Variants in SLC9B2 observed in about 807,000 individuals in gnomAD.
SLC9B2 encodes the protein sodium/hydrogen exchanger 9B2.
Under a neutral mutation model 52.2 loss-of-function variants are expected in SLC9B2, and 39 were observed. The observed-to-expected ratio is 0.75, with a 90% CI of 0.58 to 0.98. The LOEUF (loss-of-function observed/expected upper bound fraction) is 0.98, where lower values mean the gene tolerates loss of function less well. Ranked by LOEUF, SLC9B2 falls within the 50% of genes least tolerant of loss-of-function variation. SLC9B2 has a pLI of 0.00. For missense variants in SLC9B2, 626 were observed against 637.5 expected (o/e 0.98, Z 0.19); for synonymous variants, 214 against 227.0 (o/e 0.94, Z 0.51).
intron 9 of SLC9B2, among the ~76,000 whole-genome samples, chr4:103,041,672 A>G (rs1743655364): frequency 6.6e-6 from 1 of 152,164 alleles, no homozygotes; most frequent in Non-Finnish European, 1.5e-5. Context: ...TTTAAACTGC[A>G]AAAGTTTAGA....
chr4:103,056,158 C>T (rs547160898), intron 4 of SLC9B2, among the ~76,000 whole-genome samples: 3 of 152,136 alleles, frequency 2.0e-5, no homozygotes, highest in South Asian at 2.1e-4. Flanking sequence ...AGTTTTAAGA[C>T]TAATTTGTGT....
chr4:103,068,733 T>G (rs2110665386), intron 1 of SLC9B2, among the ~76,000 whole-genome samples: 1 of 152,284 alleles, frequency 6.6e-6, no homozygotes, highest in East Asian at 1.9e-4. Context: ...TTGATAGAGG[T>G]ACACACTACA....
At chr4:103,075,813 G>C (rs1747076103) in intron 1 of SLC9B2, among the ~76,000 whole-genome samples, 1 of 152,162 alleles carries the variant, frequency 6.6e-6, no homozygotes, top group Non-Finnish European at 1.5e-5. Context: ...GAATGGACTT[G>C]ACATGAACGA....
intron 3 of SLC9B2, among the ~76,000 whole-genome samples, chr4:103,064,749 A>C (rs1341422267): frequency 6.6e-6 from 1 of 152,196 alleles, no homozygotes; most frequent in African/African-American, 2.4e-5. Context: ...ATTGTACCCC[A>C]CAAATATGTA....
At chr4:103,018,910 A>C (rs562654887), downstream of SLC9B2, among the ~76,000 whole-genome samples, 1 of 152,318 alleles carries the variant, frequency 6.6e-6, no homozygotes, top group South Asian at 2.1e-4. Flanking sequence ...GAGCAAAGGC[A>C]TTAGATTCTC....
intron 1 of SLC9B2, among the ~76,000 whole-genome samples, chr4:103,071,196 T>A (rs532394023): frequency 1.8e-3 from 276 of 151,556 alleles, no homozygotes; most frequent in African/African-American, 6.3e-3. Context: ...ATATATATAT[T>A]TTGTTGTTGT....
chr4:103,061,283 G>C (rs1578475253), intron 3 of SLC9B2, among the ~76,000 whole-genome samples: 3 of 152,188 alleles, frequency 2.0e-5, no homozygotes, highest in African/African-American at 7.2e-5. Flanking sequence ...TGATAGACTG[G>C]ATTAAGAAAA....
chr4:103,072,749 G>C (rs1247988507), intron 1 of SLC9B2, among the ~76,000 whole-genome samples: 1 of 152,160 alleles, frequency 6.6e-6, no homozygotes, highest in African/African-American at 2.4e-5. Flanking sequence ...CTGTGATTTG[G>C]ATAGGCTGAC....
At chr4:103,044,628 C>G (rs1047702826) in intron 8 of SLC9B2, among the ~76,000 whole-genome samples, 1 of 152,174 alleles carries the variant, frequency 6.6e-6, no homozygotes, top group Admixed American at 6.5e-5. Flanking sequence ...CTTGCATATC[C>G]TATTACTTTG....
In SLC9B2 at chr4:103,057,811, A is replaced by C; in HGVS notation, c.432T>G (p.Pro144=). Reference sequence around the variant, plus strand: ...ACATTTAGCACTTACCAAGAAGAGAAGGCAGTGGAGGCAATGTAGGTAACT... The same window carrying C: ...ACATTTAGCACTTACCAAGAAGAGACGGCAGTGGAGGCAATGTAGGTAACT... ...LIKLPTLPPL[P]SLLGMLLAGF... Residue 144 remains proline, a synonymous_variant, in exon 4 of 12, where the codon CCT becomes CCG. Transcript: ENST00000394785. 1 of 1,613,594 alleles carries C rather than the reference A, an allele frequency of 6.2e-7. No individual in the cohort carries two copies. Among genetic ancestry groups the C allele is most frequent in the Non-Finnish European group, 8.5e-7 (1 of 1,179,902 alleles).
At chr4:103,046,728 G>GTC (rs1744164769) in intron 7 of SLC9B2, among the ~76,000 whole-genome samples, 1 of 148,724 alleles carries the variant, frequency 6.7e-6, no homozygotes, top group Non-Finnish European at 1.5e-5. Context: ...CACATCTTTT[G>GTC]TGTGAAGTCT....
chr4:103,048,155 A>G (rs370801892), intron 6 of SLC9B2, among the ~76,000 whole-genome samples: 1 of 152,252 alleles, frequency 6.6e-6, no homozygotes, highest in African/African-American at 2.4e-5. Context: ...CAGCAGTGGT[A>G]ACAGCAGAAA....
At chr4:103,019,652 G>A (rs1741649637), downstream of SLC9B2, 1 of 985,510 alleles carries the variant, frequency 1.0e-6, no homozygotes, top group Non-Finnish European at 1.2e-6. Flanking sequence ...GGAGCCCAGT[G>A]ACCGTTGCGT....
At chr4:103,062,168 C>T (rs1482157052) in intron 3 of SLC9B2, among the ~76,000 whole-genome samples, 1 of 152,202 alleles carries the variant, frequency 6.6e-6, no homozygotes, top group East Asian at 1.9e-4. Context: ...CGCCTGTAAT[C>T]CCAGCGCTTT....
intron 2 of SLC9B2, among the ~76,000 whole-genome samples, chr4:103,067,165 T>A (rs1746209497): frequency 6.6e-6 from 1 of 152,172 alleles, no homozygotes; most frequent in African/African-American, 2.4e-5. Flanking sequence ...TATACCAAAG[T>A]GGTTTAGAAA....
chr4:103,070,160 G>A (rs1018267324), intron 1 of SLC9B2, among the ~76,000 whole-genome samples: 4 of 152,088 alleles, frequency 2.6e-5, no homozygotes, highest in African/African-American at 9.7e-5. Context: ...GTATTTGTTT[G>A]CTCTCTGCTG....
At chr4:103,077,313 A>C (rs1267217887), upstream of SLC9B2, 1 of 152,160 alleles carries the variant, frequency 6.6e-6, no homozygotes, top group East Asian at 1.9e-4. Context: ...CCTTCTTCAG[A>C]TCATCTGAAA....
chr4:103,073,547 G>A (rs1205433168), intron 1 of SLC9B2, among the ~76,000 whole-genome samples: 2 of 152,194 alleles, frequency 1.3e-5, no homozygotes, highest in African/African-American at 2.4e-5. Context: ...TTCCCTGAAT[G>A]AGAACTACCT....
In SLC9B2 at chr4:103,049,000, G is replaced by C; in HGVS notation, c.606C>G (p.Gly202=). ...GACCCATGGACAGTCTTACACAAAC[G>C]CCCTTTAACTTCTTCAGGGCCTGAA... ...LDSKALKKLK[G]VCVRLSMGPC... Residue 202 remains glycine, a synonymous_variant, in exon 6 of 12, where the codon GGC becomes GGG. Coordinates refer to ENST00000394785, the MANE Select transcript of SLC9B2 (RefSeq NM_178833.7). The C allele has an allele frequency of 6.2e-7, 1 of 1,613,346 alleles. No individual in the cohort carries two copies. The highest frequency in any genetic ancestry group is 8.5e-7 in the Non-Finnish European group (1 of 1,179,598).
Sources: allele counts gnomAD v4.1 joint callset (sites outside exome capture counted in the v4.1 genomes callset), GRCh38; gene constraint gnomAD v4.1.1; transcripts MANE v1.5; gene names NCBI Gene and HGNC (gene_info 2026-07-23, HGNC 2026-07-21).